The following TTC1 variants were observed in gnomAD, a reference collection of about 807,000 sequenced individuals.
TTC1 encodes the protein tetratricopeptide repeat protein 1.
TTC1 carries 31 observed loss-of-function variants against 37.6 expected under a neutral mutation model. The observed-to-expected ratio is 0.82, with a 90% CI of 0.62 to 1.11. The LOEUF is 1.11. TTC1 is among the 50% of genes most tolerant of loss of function. The probability of loss-of-function intolerance (pLI) is 0.00; values close to 1 mark genes in which losing one functional copy is unlikely to be tolerated. For synonymous variants in TTC1, 127 were observed against 122.4 expected (o/e 1.04, Z -0.25); for missense variants, 351 against 339.0 (o/e 1.04, Z -0.28).
chr5:160,025,743 T>C (rs1234514647), intron 2 of TTC1, among the ~76,000 whole-genome samples: 3 of 152,194 alleles, frequency 2.0e-5, no homozygotes, highest in Admixed American at 6.5e-5. Context: ...GGATGAACTT[T>C]GTTGTTTTGT....
intron 2 of TTC1, among the ~76,000 whole-genome samples, chr5:160,026,251 C>T (rs1310728837): frequency 2.0e-5 from 3 of 152,162 alleles, no homozygotes; most frequent in African/African-American, 4.8e-5. Flanking sequence ...ACACTGGAAG[C>T]TTCTGAGGTT....
At chr5:160,041,950 G>A (rs1757104613) in intron 4 of TTC1, among the ~76,000 whole-genome samples, 2 of 151,872 alleles carry the variant, frequency 1.3e-5, no homozygotes, top group African/African-American at 2.4e-5. Context: ...TATTTTCTGA[G>A]ATGGAGTCTT....
intron 2 of TTC1, among the ~76,000 whole-genome samples, chr5:160,021,430 T>G (rs1176409935): frequency 6.6e-6 from 1 of 152,268 alleles, no homozygotes; most frequent in Admixed American, 6.5e-5. Context: ...GGGCCGAATT[T>G]AAGCAGTCCT....
At chr5:160,041,654 T>C (rs992866490) in intron 4 of TTC1, among the ~76,000 whole-genome samples, 4 of 152,090 alleles carry the variant, frequency 2.6e-5, no homozygotes, top group African/African-American at 9.7e-5. Context: ...GTAGGTTTGT[T>C]TACCCCAGCA....
chr5:160,026,926 A>G (rs1561628198), intron 2 of TTC1, among the ~76,000 whole-genome samples: 1 of 151,252 alleles, frequency 6.6e-6, no homozygotes, highest in East Asian at 1.9e-4. Context: ...TTTGGATTTT[A>G]TTAACTATGC....
intron 2 of TTC1, among the ~76,000 whole-genome samples, chr5:160,016,366 A>AG (rs1277978675): frequency 6.6e-6 from 1 of 152,196 alleles, no homozygotes; most frequent in Non-Finnish European, 1.5e-5. Flanking sequence ...TGACAGAATG[A>AG]GACTCTGTCT....
At chr5:160,023,728 G>T in intron 2 of TTC1, 1 of 1,607,800 alleles carries the variant, frequency 6.2e-7, no homozygotes, top group South Asian at 1.1e-5. Flanking sequence ...CCACTCCTAT[G>T]TGCTTCTTCT....
chr5:160,035,616 T>C (rs1306636226), intron 3 of TTC1, among the ~76,000 whole-genome samples: 1 of 152,232 alleles, frequency 6.6e-6, no homozygotes, highest in Non-Finnish European at 1.5e-5. Context: ...TGTCCTTTGG[T>C]TGCTCTTTCT....
At chr5:160,012,815 T>C (rs760889497) in intron 2 of TTC1, among the ~76,000 whole-genome samples, 2 of 152,178 alleles carry the variant, frequency 1.3e-5, no homozygotes, top group Non-Finnish European at 1.5e-5. Context: ...AGTTTGACAA[T>C]TGTATACACC....
chr5:160,059,949 C>T (rs559573632), intron 7 of TTC1, among the ~76,000 whole-genome samples: 2 of 152,296 alleles, frequency 1.3e-5, no homozygotes, highest in Non-Finnish European at 2.9e-5. Context: ...GTAAAAAACA[C>T]AATATCTGTA....
intron 4 of TTC1, among the ~76,000 whole-genome samples, chr5:160,038,157 G>A (rs1240159523): frequency 6.6e-6 from 1 of 151,816 alleles, no homozygotes. Context: ...TATTTCATGT[G>A]GCATGAGAGA....
chr5:160,036,666 C>A, intron 3 of TTC1, 25 bp from the exon 4 acceptor site: 2 of 1,469,358 alleles, frequency 1.4e-6, no homozygotes, highest in South Asian at 2.3e-5. Flanking sequence ...TCAAAATGAC[C>A]ATTCATCCTT....
intron 3 of TTC1, 68 bp downstream of exon 3, chr5:160,035,268 G>T: frequency 7.5e-7 from 1 of 1,327,728 alleles, no homozygotes; most frequent in Non-Finnish European, 1.0e-6. Flanking sequence ...AGTCTGTGAA[G>T]AAACCCCAAA....
Position 160,062,563 on chromosome 5 carries a change from A to C in TTC1, c.746-2369A>C, listed in dbSNP as rs1753453194. Among the ~76,000 whole-genome samples, 5 of 152,300 alleles carry C rather than the reference A, an allele frequency of 3.3e-5. No individual in the cohort carries two copies. In the South Asian group the frequency reaches 1.0e-3, roughly 32 times the overall value. ...TGGCTTACATGATAGATGCCAAGTA[A>C]AATTTCCAGTTTGTACTTTAAATTG... On this transcript the variant is annotated intron_variant, in intron 7 of 7. Transcript: ENST00000231238.
chr5:160,059,478 C>A (rs947300754), intron 7 of TTC1, among the ~76,000 whole-genome samples: 2 of 152,204 alleles, frequency 1.3e-5, no homozygotes, highest in East Asian at 3.8e-4. Flanking sequence ...TCCATATAAG[C>A]AATAAGGCTG....
intron 2 of TTC1, among the ~76,000 whole-genome samples, chr5:160,031,496 C>T (rs1367463241): frequency 6.6e-6 from 1 of 151,926 alleles, no homozygotes; most frequent in Admixed American, 6.6e-5. Context: ...TGCCTGTAAA[C>T]ACAGCTACTC....
chr5:160,064,964 C>T lies in TTC1; in HGVS notation c.778C>T (p.Arg260Ter), dbSNP rs957143300. 19 of 1,613,548 alleles carry T rather than the reference C, an allele frequency of 1.2e-5. No homozygotes were observed. The highest frequency in any genetic ancestry group is 2.2e-5 in the East Asian group (1 of 44,888). ...KLKDLGNLVL[R>*]PFGLSTENFQ... ...AAAAGATCTTGGGAACTTGGTTCTCCGACCTTTTGGGCTCTCCACGGAAAA... is the reference window on the plus strand; with the variant it reads ...AAAAGATCTTGGGAACTTGGTTCTCTGACCTTTTGGGCTCTCCACGGAAAA... The change falls in exon 8 of 8, where the codon CGA (arginine) becomes TGA (stop). Residue 260 changes from arginine to a stop codon, truncating the protein, a stop_gained. Coordinates refer to ENST00000231238, the MANE Select transcript of TTC1 (RefSeq NM_003314.3). LOFTEE classifies it high-confidence loss of function.
At chr5:160,024,855 A>G (rs1756773534) in intron 2 of TTC1, among the ~76,000 whole-genome samples, 1 of 151,708 alleles carries the variant, frequency 6.6e-6, no homozygotes, top group Non-Finnish European at 1.5e-5. Context: ...TTTTTTTGAA[A>G]CCAGGTCTTG....
chr5:160,033,228 CTTATA>C (rs775490449), intron 2 of TTC1, among the ~76,000 whole-genome samples: 110 of 152,036 alleles, frequency 7.2e-4, no homozygotes, highest in Non-Finnish European at 1.3e-3. Context: ...TGGCCATATT[CTTATA>C]TTTTATTTTT....
Sources: gnomAD v4.1 joint callset for allele counts (sites outside exome capture counted in the v4.1 genomes callset) on GRCh38, gnomAD v4.1.1 for gene constraint, MANE v1.5 for transcripts, NCBI Gene and HGNC (gene_info 2026-07-23, HGNC 2026-07-21) for gene names.